Variants in AFF2 observed in about 807,000 individuals in gnomAD.
AFF2 encodes the protein ALF transcription elongation factor 2, also known as AF4/FMR2 family member 2.
A neutral mutation model predicts 76.9 loss-of-function variants in AFF2; 14 were observed. The observed-to-expected ratio is 0.18, with a 90% CI of 0.12 to 0.28. The LOEUF is 0.28. AFF2 is among the 10% of genes least tolerant of loss of function. The pLI, the probability that AFF2 is intolerant of heterozygous loss-of-function variation, is 1.00. For missense variants in AFF2, 868 were observed against 1,001.1 expected, an observed-to-expected ratio of 0.87 and a Z score of 1.79; for synonymous variants, 398 against 366.7, an observed-to-expected ratio of 1.09 and a Z score of -0.98.
intron 7 of AFF2, among the ~76,000 whole-genome samples, chrX:148,862,473 A>T (rs1464624202): frequency 9.0e-6 from 1 of 111,675 alleles, no homozygotes; most frequent in African/African-American, 3.3e-5. Context: ...GTTATACACA[A>T]TCCAGAGTCT....
intron 19 of AFF2, among the ~76,000 whole-genome samples, chrX:148,986,407 G>A (rs2072472344): frequency 9.0e-6 from 1 of 111,635 alleles, no homozygotes; most frequent in African/African-American, 3.3e-5. Context: ...CTGGGCCCTG[G>A]AAGAAAAACG....
intron 4 of AFF2, among the ~76,000 whole-genome samples, chrX:148,817,271 A>G (rs782323384): frequency 1.8e-5 from 2 of 112,089 alleles, no homozygotes; most frequent in South Asian, 3.6e-4. Context: ...ACACTAATAC[A>G]TAAAACAAGA....
At position 148,665,507 on chromosome X, in the gene AFF2, G is replaced by A. The variant is rs150136633; in HGVS notation, c.1041+2739G>A. On this transcript the variant is annotated intron_variant, in intron 3 of 20. Coordinates refer to ENST00000370460, the MANE Select transcript of AFF2 (RefSeq NM_002025.4). ...GTAGAGAGAAGCTTAAAGCCCTAAA[G>A]TCAGGGGCATATACAGAACCCAAGG... Among the ~76,000 whole-genome samples, 251 of 111,624 alleles carry A rather than the reference G, an allele frequency of 2.2e-3. 2 individuals are homozygous for A. Among genetic ancestry groups the A allele is most frequent in the African/African-American group, 7.6e-3 (234 of 30,710 alleles).
intron 4 of AFF2, among the ~76,000 whole-genome samples, chrX:148,818,869 G>A (rs1394210716): frequency 9.0e-6 from 1 of 110,947 alleles, no homozygotes; most frequent in Non-Finnish European, 1.9e-5. Context: ...AGAGACCACA[G>A]GCTAATGGGT....
intron 9 of AFF2, among the ~76,000 whole-genome samples, chrX:148,946,312 T>C (rs1485097409): frequency 8.9e-6 from 1 of 112,304 alleles, no homozygotes; most frequent in African/African-American, 3.2e-5. Context: ...CCATCAAGGT[T>C]CCCTTCCCAG....
chrX:148,966,821 C>T lies in AFF2; in HGVS notation c.2945C>T (p.Ala982Val). The part of the protein sequence containing the change: ...EGDTPKKASS[A>V]TITVTNTAIA... ...GACACTCCAAAAAAGGCATCCTCTGCCACCATCACTGTCACCAATACTGCT... is the reference window on the plus strand; with the variant it reads ...GACACTCCAAAAAAGGCATCCTCTGTCACCATCACTGTCACCAATACTGCT... Residue 982 changes from alanine (A) to valine (V), a missense_variant, in exon 14 of 21, where the codon GCC becomes GTC. Ala to Val is a moderately conservative substitution (Grantham distance 64, BLOSUM62 0). Transcript: ENST00000370460. 1 of 1,211,404 alleles carries T rather than the reference C, an allele frequency of 8.3e-7. No individual in the cohort carries two copies. The highest frequency in any genetic ancestry group is 1.1e-6 in the Non-Finnish European group (1 of 895,375).
chrX:148,708,050 C>G (rs1355822543), intron 3 of AFF2, among the ~76,000 whole-genome samples: 1 of 111,968 alleles, frequency 8.9e-6, no homozygotes, highest in East Asian at 2.8e-4. Flanking sequence ...CTTTTAAATC[C>G]TACTAACTTG....
At chrX:148,884,370 CT>C (rs2071132458) in intron 7 of AFF2, among the ~76,000 whole-genome samples, 2 of 112,004 alleles carry the variant, frequency 1.8e-5, no homozygotes, top group African/African-American at 3.2e-5. Flanking sequence ...GGGAGCTGTG[CT>C]TTTTTTGGAG....
At chrX:148,804,014 C>T (rs2070095033) in intron 3 of AFF2, among the ~76,000 whole-genome samples, 1 of 111,486 alleles carries the variant, frequency 9.0e-6, no homozygotes, top group Admixed American at 9.6e-5. Flanking sequence ...GTCATGGGAG[C>T]CAGTTTACAA....
intron 3 of AFF2, among the ~76,000 whole-genome samples, chrX:148,805,231 T>A (rs1557271228): frequency 8.9e-6 from 1 of 111,791 alleles, no homozygotes; most frequent in Non-Finnish European, 1.9e-5. Context: ...TGGGCCCAGT[T>A]ATTTAATTTG....
chrX:148,744,123 A>G (rs1236330715), intron 3 of AFF2, among the ~76,000 whole-genome samples: 1 of 110,600 alleles, frequency 9.0e-6, no homozygotes, highest in Non-Finnish European at 1.9e-5. Context: ...GAATACCCTT[A>G]TATTTTTCAA....
At chrX:148,970,933 A>C (rs2072242507) in intron 15 of AFF2, among the ~76,000 whole-genome samples, 1 of 111,607 alleles carries the variant, frequency 9.0e-6, no homozygotes, top group African/African-American at 3.3e-5. Flanking sequence ...AGGACACTAC[A>C]ATGAGCAGAT....
intron 8 of AFF2, among the ~76,000 whole-genome samples, chrX:148,899,274 T>C (rs2071329066): frequency 8.9e-6 from 1 of 112,236 alleles, no homozygotes; most frequent in Non-Finnish European, 1.9e-5. Context: ...GCGATTCATT[T>C]TTATATTTAA....
chrX:148,646,370 A>G (rs1221770160), intron 1 of AFF2, among the ~76,000 whole-genome samples: 1 of 111,723 alleles, frequency 9.0e-6, no homozygotes. Flanking sequence ...GGGGATACAG[A>G]AACAAGTTAG....
intron 1 of AFF2, among the ~76,000 whole-genome samples, chrX:148,507,336 C>A (rs1401743382): frequency 8.9e-6 from 1 of 112,061 alleles, no homozygotes; most frequent in African/African-American, 3.2e-5. Context: ...TTTTAAGAAA[C>A]AGAATTTCTA....
intron 7 of AFF2, among the ~76,000 whole-genome samples, chrX:148,876,485 T>C (rs1354574989): frequency 8.9e-6 from 1 of 111,985 alleles, no homozygotes; most frequent in African/African-American, 3.2e-5. Flanking sequence ...TGTTACATGA[T>C]GAGCTCTGGC....
At chrX:148,758,329 T>C (rs2069399883) in intron 3 of AFF2, among the ~76,000 whole-genome samples, 1 of 112,862 alleles carries the variant, frequency 8.9e-6, no homozygotes, top group Non-Finnish European at 1.9e-5. Flanking sequence ...TCTCAAATAT[T>C]GGATAGCTGT....
intron 15 of AFF2, among the ~76,000 whole-genome samples, chrX:148,970,066 A>G (rs1365674507): frequency 1.8e-5 from 2 of 112,117 alleles, no homozygotes; most frequent in African/African-American, 6.5e-5. Flanking sequence ...TCAGGATCTA[A>G]GAACAATTTC....
At chrX:148,766,594 T>C (rs1557267776) in intron 3 of AFF2, among the ~76,000 whole-genome samples, 1 of 105,541 alleles carries the variant, frequency 9.5e-6, no homozygotes, top group African/African-American at 3.5e-5. Context: ...CATTGTAGAT[T>C]CTGGTTATTA....
Sources: gnomAD v4.1 joint callset for allele counts (sites outside exome capture counted in the v4.1 genomes callset) on GRCh38, gnomAD v4.1.1 for gene constraint, MANE v1.5 for transcripts, NCBI Gene and HGNC (gene_info 2026-07-23, HGNC 2026-07-21) for gene names.